The following LRRC37A2 variants were observed in gnomAD, a reference collection of about 807,000 sequenced individuals.
The protein encoded by LRRC37A2 is leucine rich repeat containing 37 member A2.
A neutral mutation model predicts 68.8 loss-of-function variants in LRRC37A2; 9 were observed. The observed-to-expected ratio is 0.13, with a 90% CI of 0.08 to 0.23. The LOEUF (loss-of-function observed/expected upper bound fraction) is 0.23. Ranked by LOEUF, LRRC37A2 falls within the 10% of genes least tolerant of loss-of-function variation. LRRC37A2 has a pLI of 1.00. For synonymous variants in LRRC37A2, 63 were observed against 367.6 expected, an observed-to-expected ratio of 0.17 and a Z score of 9.48; for missense variants, 168 against 950.4, an observed-to-expected ratio of 0.18 and a Z score of 10.82.
the LRRC37A2 span, among the ~76,000 whole-genome samples, chr17:46,736,707 T>A: frequency 6.6e-6 from 1 of 152,256 alleles, no homozygotes; most frequent in Non-Finnish European, 1.5e-5. Context: ...ACTAATTTGC[T>A]GCTAACCACT....
chr17:46,817,843 C>G, the LRRC37A2 span, among the ~76,000 whole-genome samples: 2 of 152,080 alleles, frequency 1.3e-5, no homozygotes, highest in Admixed American at 6.5e-5. Flanking sequence ...TCAAGGAACC[C>G]CCCTTTTGCC....
chr17:47,000,023 TAAAA>T, the LRRC37A2 span, among the ~76,000 whole-genome samples: 133 of 75,552 alleles, frequency 1.8e-3, 10 homozygotes, highest in African/African-American at 6.6e-3. Flanking sequence ...TAAAATAAAA[TAAAA>T]TAAAATAAAA....
the LRRC37A2 span, chr17:46,885,762 AG>A: frequency 6.6e-6 from 1 of 152,320 alleles, no homozygotes; most frequent in Non-Finnish European, 1.5e-5. Flanking sequence ...TTGCCATAGC[AG>A]GCTTCCTGGT....
chr17:46,768,539 A>G, the LRRC37A2 span: 17 of 1,614,090 alleles, frequency 1.1e-5, no homozygotes, highest in Non-Finnish European at 1.4e-5. This position sits in a 1 kb window ranked among gnomAD's most constrained non-coding sequence, Gnocchi z 5.0. Context: ...TGGGCTCACA[A>G]AAGTTGGGGG....
At chr17:46,493,866 CT>C in the LRRC37A2 span, among the ~76,000 whole-genome samples, 1 of 148,490 alleles carries the variant, frequency 6.7e-6, no homozygotes, top group East Asian at 2.0e-4. Flanking sequence ...GAGTCTCGTT[CT>C]TTCACCCACG....
chr17:46,487,134 C>G, the LRRC37A2 span: 5 of 748,264 alleles, frequency 6.7e-6, 1 homozygote, highest in African/African-American at 1.1e-4. Context: ...AGAATGATAT[C>G]AAACCAGTGA....
At chr17:46,718,171 A>C in the LRRC37A2 span, among the ~76,000 whole-genome samples, 1 of 152,228 alleles carries the variant, frequency 6.6e-6, no homozygotes, top group South Asian at 2.1e-4. Flanking sequence ...GTCTCCAGAG[A>C]ACCTTGGTGT....
At chr17:46,993,301 C>T in the LRRC37A2 span, among the ~76,000 whole-genome samples, 1 of 152,220 alleles carries the variant, frequency 6.6e-6, no homozygotes, top group Non-Finnish European at 1.5e-5. Context: ...ATCCCAGGCT[C>T]ATGGGACAAC....
At chr17:46,458,830 C>A in the LRRC37A2 span, among the ~76,000 whole-genome samples, 1 of 108,696 alleles carries the variant, frequency 9.2e-6, no homozygotes, top group Non-Finnish European at 2.1e-5. Flanking sequence ...CGTGACCCAC[C>A]GTGCCCGGCC....
At chr17:46,789,349 G>T in the LRRC37A2 span, among the ~76,000 whole-genome samples, 1 of 152,190 alleles carries the variant, frequency 6.6e-6, no homozygotes, top group African/African-American at 2.4e-5. Flanking sequence ...AGGGATGCAG[G>T]CTATACACTA....
At chr17:46,951,680 C>G in the LRRC37A2 span, among the ~76,000 whole-genome samples, 1 of 152,180 alleles carries the variant, frequency 6.6e-6, no homozygotes, top group African/African-American at 2.4e-5. Context: ...CCTCCCAGGC[C>G]AGGGTAATGC....
At chr17:46,839,603 T>C in the LRRC37A2 span, among the ~76,000 whole-genome samples, 1 of 152,238 alleles carries the variant, frequency 6.6e-6, no homozygotes, top group East Asian at 1.9e-4. Flanking sequence ...TACATAGGTA[T>C]ACATGTGCCA....
the LRRC37A2 span, chr17:46,940,214 T>C: frequency 1.4e-6 from 2 of 1,413,476 alleles, no homozygotes; most frequent in Non-Finnish European, 1.8e-6. Flanking sequence ...TTAATTGTCA[T>C]AGATTAACTG....
At chr17:46,494,104 C>T in the LRRC37A2 span, among the ~76,000 whole-genome samples, 1 of 150,530 alleles carries the variant, frequency 6.6e-6, no homozygotes, top group African/African-American at 2.5e-5. Flanking sequence ...CTTGGCCTCC[C>T]AAAGTGCTGG....
At chr17:46,956,277 CTTTTTTTTTTTTTTTTTT>C in the LRRC37A2 span, among the ~76,000 whole-genome samples, 4 of 62,630 alleles carry the variant, frequency 6.4e-5, no homozygotes, top group Non-Finnish European at 1.2e-4. Context: ...CTTGCCAGTC[CTTTTTTTTTTTTTTTTTT>C]TTTTTTTTTT....
intron 3 of LRRC37A2, among the ~76,000 whole-genome samples, chr17:46,518,317 GTTTA>G (rs2051708786): frequency 6.7e-6 from 1 of 149,374 alleles, no homozygotes; most frequent in African/African-American, 2.5e-5. Flanking sequence ...ATGCATCATG[GTTTA>G]TTTAATAATT....
chr17:46,991,615 A>AAAAATAAAAT, the LRRC37A2 span, among the ~76,000 whole-genome samples: 2 of 150,440 alleles, frequency 1.3e-5, no homozygotes, highest in African/African-American at 4.9e-5. Context: ...TCCATCTCAA[A>AAAAATAAAAT]AAAATAAAAT....
At chr17:46,957,427 A>G in the LRRC37A2 span, among the ~76,000 whole-genome samples, 1 of 152,204 alleles carries the variant, frequency 6.6e-6, no homozygotes, top group Non-Finnish European at 1.5e-5. Context: ...AGCCTGGCCA[A>G]CATGGTGAAA....
the LRRC37A2 span, chr17:46,721,462 T>A: frequency 1.5e-6 from 1 of 669,372 alleles, no homozygotes; most frequent in East Asian, 2.7e-5. Flanking sequence ...TTTAAGACCC[T>A]ATATATGTAT....
Sources: gnomAD v4.1 joint callset for allele counts (sites outside exome capture counted in the v4.1 genomes callset) on GRCh38, gnomAD v4.1.1 for gene constraint, Gnocchi (gnomAD v3.1) non-coding constraint, MANE v1.5 for transcripts, NCBI Gene and HGNC (gene_info 2026-07-23, HGNC 2026-07-21) for gene names.